Variants in CRTAC1 observed in about 807,000 individuals in gnomAD.
CRTAC1 encodes the protein acidic secreted protein in cartilage.
CRTAC1 carries 37 observed loss-of-function variants against 67.8 expected under a neutral mutation model. The ratio of observed to expected loss-of-function variants is 0.55; its 90% CI spans 0.42 to 0.72. The LOEUF is 0.72. CRTAC1 is among the 30% of genes least tolerant of loss of function. The probability of loss-of-function intolerance (pLI) is 0.00; values close to 1 mark genes in which losing one functional copy is unlikely to be tolerated. For synonymous variants in CRTAC1, 348 were observed against 371.0 expected, an observed-to-expected ratio of 0.94 and a Z score of 0.71; for missense variants, 780 against 931.6, an observed-to-expected ratio of 0.84 and a Z score of 2.12.
At chr10:97,983,708 G>A (rs1281771072) in intron 2 of CRTAC1, among the ~76,000 whole-genome samples, 2 of 152,214 alleles carry the variant, frequency 1.3e-5, no homozygotes, top group African/African-American at 4.8e-5. Context: ...GCCTGGCAAT[G>A]GCATAGTGGT....
chr10:97,884,068 G>A, intron 12 of CRTAC1, 138 bp downstream of exon 12: 3 of 923,606 alleles, frequency 3.2e-6, no homozygotes, highest in East Asian at 2.7e-5. Context: ...GGAGGGATCA[G>A]TATGAAGCCT....
intron 2 of CRTAC1, among the ~76,000 whole-genome samples, chr10:97,942,795 G>C (rs1370471065): frequency 6.6e-6 from 1 of 151,660 alleles, no homozygotes; most frequent in Non-Finnish European, 1.5e-5. Flanking sequence ...GGCTGGGTAT[G>C]GTAGCTCATG....
intron 14 of CRTAC1, among the ~76,000 whole-genome samples, chr10:97,872,695 T>C (rs2136529665): frequency 6.6e-6 from 1 of 152,266 alleles, no homozygotes; most frequent in South Asian, 2.1e-4. Flanking sequence ...AGATCAGAGA[T>C]GAGCGAGAGG....
intron 2 of CRTAC1, among the ~76,000 whole-genome samples, chr10:97,947,970 T>C (rs764119286): frequency 2.8e-4 from 43 of 152,144 alleles, no homozygotes; most frequent in Admixed American, 8.5e-4. Context: ...AAGGATTCCG[T>C]GCAGGGTATA....
At chr10:97,938,979 GC>G (rs1430519092) in intron 2 of CRTAC1, among the ~76,000 whole-genome samples, 1 of 152,194 alleles carries the variant, frequency 6.6e-6, no homozygotes, top group East Asian at 1.9e-4. Flanking sequence ...GAGTTTAAAA[GC>G]CCCTGGACTC....
At chr10:97,998,174 T>G (rs958797423) in intron 2 of CRTAC1, among the ~76,000 whole-genome samples, 1 of 152,186 alleles carries the variant, frequency 6.6e-6, no homozygotes, top group Non-Finnish European at 1.5e-5. Context: ...GGTTTCTCCA[T>G]GTTGCTCAGG....
At chr10:97,962,770 G>T (rs73332597) in intron 2 of CRTAC1, among the ~76,000 whole-genome samples, 4 of 150,012 alleles carry the variant, frequency 2.7e-5, no homozygotes, top group Non-Finnish European at 5.9e-5. Context: ...CTGTCACCGC[G>T]CATTAAATTA....
chr10:97,898,977 G>C (rs115647131), intron 8 of CRTAC1, among the ~76,000 whole-genome samples: 1 of 152,048 alleles, frequency 6.6e-6, no homozygotes, highest in Non-Finnish European at 1.5e-5. Flanking sequence ...AGTTCCCTGG[G>C]TGCTGCAGGT....
rs755410808 is a variant in CRTAC1 at position 97,897,018 on chromosome 10, TG to T, written c.1134-28del. ...TGCAGGAGAGGAGACAGGCTTGCTC[TG>T]GTGGGGTCTCAGAGGCCGCTGGACC... On this transcript the variant is annotated intron_variant, in intron 8 of 14. Transcript: ENST00000370597. The T allele has an allele frequency of 2.6e-6, 4 of 1,527,476 alleles. No homozygotes were observed. In the South Asian group the frequency reaches 4.8e-5, roughly 18 times the overall value. The allele number at this position is 1,527,476 out of a possible 1,614,324, so 94.6% of individuals were successfully genotyped here. A position where few individuals can be genotyped will look rare whatever the true frequency, so the allele number is the denominator to read the frequency against.
Position 97,917,669 on chromosome 10 carries a change from G to A in CRTAC1, c.559-13C>T. 6.5e-7 allele frequency: 1 copy of A among 1,528,294 alleles called. No homozygotes were observed. The highest frequency in any genetic ancestry group is 8.9e-7 in the Non-Finnish European group (1 of 1,126,364). The allele number at this position is 1,528,294 out of a possible 1,614,324, so 94.7% of individuals were successfully genotyped here. A position where few individuals can be genotyped will look rare whatever the true frequency, so the allele number is the denominator to read the frequency against. On this transcript the variant is annotated splice_polypyrimidine_tract_variant and intron_variant, in intron 4 of 14. Coordinates refer to ENST00000370597, the MANE Select transcript of CRTAC1 (RefSeq NM_018058.7). ...AGCGTCCAGAGCCCTGAGGAAGAAG[G>A]GAAGGGAGAGGTGAGCAGGGCCACC...
At chr10:97,904,088 C>A (rs1231754303) in intron 7 of CRTAC1, among the ~76,000 whole-genome samples, 1 of 151,408 alleles carries the variant, frequency 6.6e-6, no homozygotes, top group Non-Finnish European at 1.5e-5. Context: ...GCTGCTGGAT[C>A]CTTTCCAGGA....
intron 2 of CRTAC1, among the ~76,000 whole-genome samples, chr10:97,940,160 T>C (rs537157823): frequency 6.6e-6 from 1 of 152,342 alleles, no homozygotes; most frequent in South Asian, 2.1e-4. Context: ...TTTGTACCCA[T>C]TGTCTCATTC....
intron 3 of CRTAC1, among the ~76,000 whole-genome samples, chr10:97,925,382 C>T (rs1455452290): frequency 6.6e-6 from 1 of 150,434 alleles, no homozygotes; most frequent in Non-Finnish European, 1.5e-5. Context: ...GAGTGTGTGT[C>T]AGCATGAGAG....
chr10:97,973,594 CCA>C (rs1372923990), intron 2 of CRTAC1, among the ~76,000 whole-genome samples: 1 of 152,178 alleles, frequency 6.6e-6, no homozygotes, highest in Non-Finnish European at 1.5e-5. Context: ...TAGAGCCCCA[CCA>C]CTACCAACCT....
At chr10:97,990,425 A>G (rs1204959101) in intron 2 of CRTAC1, among the ~76,000 whole-genome samples, 1 of 152,218 alleles carries the variant, frequency 6.6e-6, no homozygotes, top group East Asian at 1.9e-4. Context: ...TACATTTTAT[A>G]TATCACCTCT....
intron 2 of CRTAC1, among the ~76,000 whole-genome samples, chr10:97,984,138 G>A (rs2051942999): frequency 6.6e-6 from 1 of 152,180 alleles, no homozygotes; most frequent in Non-Finnish European, 1.5e-5. Flanking sequence ...ATCCCTACAT[G>A]GCTATGTCTG....
chr10:97,887,365 T>C (rs1052546411), intron 11 of CRTAC1, among the ~76,000 whole-genome samples: 17 of 152,046 alleles, frequency 1.1e-4, no homozygotes, highest in African/African-American at 3.6e-4. Context: ...CCTAAAGCTT[T>C]CCCGAGTAGC....
chr10:97,985,636 C>T (rs2051968306), intron 2 of CRTAC1, among the ~76,000 whole-genome samples: 1 of 152,172 alleles, frequency 6.6e-6, no homozygotes, highest in Non-Finnish European at 1.5e-5. Flanking sequence ...TTGGTCATCC[C>T]AGAGGTGCAC....
At chr10:97,957,306 T>C (rs116202821) in intron 2 of CRTAC1, among the ~76,000 whole-genome samples, 1,809 of 151,568 alleles carry the variant, frequency 0.012, 39 homozygotes, top group African/African-American at 0.041. Context: ...AGGGAATGAG[T>C]GATGATAAAA....
Sources: allele counts gnomAD v4.1 joint callset (sites outside exome capture counted in the v4.1 genomes callset), GRCh38; gene constraint gnomAD v4.1.1; transcripts MANE v1.5; gene names NCBI Gene and HGNC (gene_info 2026-07-23, HGNC 2026-07-21).